The following DNAH9 variants were observed in gnomAD, a reference collection of about 807,000 sequenced individuals.
The protein encoded by DNAH9 is dynein axonemal heavy chain 9, also known as DNAH9 variant protein.
Under a neutral mutation model 471.6 loss-of-function variants are expected in DNAH9, and 345 were observed. The observed-to-expected ratio is 0.73, with a 90% CI of 0.67 to 0.80. DNAH9 has a LOEUF of 0.80. Ranked by LOEUF, DNAH9 falls within the 30% of genes least tolerant of loss-of-function variation. DNAH9 has a pLI of 0.00. For synonymous variants in DNAH9, 2,093 were observed against 2,123.6 expected (o/e 0.99, Z 0.40); for missense variants, 5,407 against 5,609.2 (o/e 0.96, Z 1.15).
intron 67 of DNAH9, among the ~76,000 whole-genome samples, chr17:11,945,519 CAG>C (rs1175841398): frequency 2.0e-4 from 28 of 142,482 alleles, no homozygotes; most frequent in Non-Finnish European, 4.1e-4. Flanking sequence ...GCCTGGGTGA[CAG>C]AGAGAGATTC....
In DNAH9 at chr17:11,913,378, C is replaced by G. The variant is rs1973848514; in HGVS notation, c.11749+7569C>G. On this transcript the variant is annotated intron_variant, in intron 61 of 68. Transcript: ENST00000262442. Reference sequence around the variant, plus strand: ...AATTTATTTCTTTCTAAGACTTTGTCCATTTCATCTAAGTTATATAACTTG... The same window carrying G: ...AATTTATTTCTTTCTAAGACTTTGTGCATTTCATCTAAGTTATATAACTTG... Among the ~76,000 whole-genome samples, 4 of 152,006 alleles carry G rather than the reference C, an allele frequency of 2.6e-5. No homozygotes were observed. The South Asian group carries it at 8.3e-4, about 32-fold the overall frequency.
chr17:11,948,224 CTTTT>C (rs1211322234), intron 67 of DNAH9, among the ~76,000 whole-genome samples: 3 of 86,748 alleles, frequency 3.5e-5, no homozygotes, highest in Non-Finnish European at 6.3e-5. Flanking sequence ...TAATCTGGCT[CTTTT>C]TTTTTTTTTT....
chr17:11,870,242 C>T (rs551212626), intron 51 of DNAH9, among the ~76,000 whole-genome samples: 2 of 152,330 alleles, frequency 1.3e-5, no homozygotes, highest in African/African-American at 2.4e-5. Context: ...CAGACAGCAA[C>T]TCTTAATGAC....
chr17:11,776,487 T>G (rs1440337965), intron 38 of DNAH9, among the ~76,000 whole-genome samples: 4 of 152,158 alleles, frequency 2.6e-5, no homozygotes, highest in Non-Finnish European at 5.9e-5. Context: ...AGCTGAAGAC[T>G]GCCTAAAGAG....
intron 38 of DNAH9, among the ~76,000 whole-genome samples, chr17:11,780,321 C>T (rs1968620595): frequency 2.0e-5 from 3 of 152,330 alleles, no homozygotes; most frequent in Admixed American, 2.0e-4. Context: ...TTCTACATCC[C>T]ACCAAGGAAA....
At chr17:11,799,619 C>T (rs536579068) in intron 43 of DNAH9, among the ~76,000 whole-genome samples, 1 of 152,304 alleles carries the variant, frequency 6.6e-6, no homozygotes, top group East Asian at 1.9e-4. Context: ...GGGAGTCTCA[C>T]TCTGTCACCC....
intron 14 of DNAH9, among the ~76,000 whole-genome samples, chr17:11,655,351 GGTGTGTGTGTGTGT>G (rs144975414): frequency 1.7e-4 from 25 of 147,810 alleles, no homozygotes; most frequent in South Asian, 1.5e-3. Context: ...AGCATTCCAT[GGTGTGTGTGTGTGT>G]GTGTGTGTGT....
chr17:11,876,920 G>A (rs754737704), intron 53 of DNAH9, among the ~76,000 whole-genome samples: 199 of 151,878 alleles, frequency 1.3e-3, no homozygotes, highest in Middle Eastern at 3.4e-3. Flanking sequence ...TAGAGACCGG[G>A]TTTCACTATG....
chr17:11,768,377 T>G, intron 36 of DNAH9, 76 bp from the exon 37 acceptor site: 1 of 1,459,740 alleles, frequency 6.9e-7, no homozygotes, highest in South Asian at 1.2e-5. Context: ...TGACCTTCTA[T>G]CTGACGCCGT....
intron 17 of DNAH9, among the ~76,000 whole-genome samples, chr17:11,679,513 G>T (rs1046097067): frequency 3.3e-5 from 5 of 152,084 alleles, no homozygotes; most frequent in Admixed American, 6.5e-5. Flanking sequence ...TAGATGTCGT[G>T]TCTCCTCCTG....
chr17:11,950,008 AATG>A (rs1244350564), intron 67 of DNAH9, among the ~76,000 whole-genome samples: 3 of 152,190 alleles, frequency 2.0e-5, no homozygotes, highest in Admixed American at 6.5e-5. Context: ...CTGCTTTCAA[AATG>A]ATGTTAGATT....
At chr17:11,832,599 G>A (rs1161549041) in intron 48 of DNAH9, among the ~76,000 whole-genome samples, 2 of 152,184 alleles carry the variant, frequency 1.3e-5, no homozygotes, top group African/African-American at 4.8e-5. Flanking sequence ...CCGTTTCAAT[G>A]AATACACAAA....
intron 65 of DNAH9, among the ~76,000 whole-genome samples, chr17:11,935,533 G>A (rs867995209): frequency 5.3e-5 from 8 of 151,606 alleles, no homozygotes; most frequent in South Asian, 2.1e-4. Flanking sequence ...GCGTCACCAC[G>A]CCCAGCTAAT....
At chr17:11,744,652 TCATTTTCTAAGTCATCCCTTCC>T in intron 30 of DNAH9, 123 bp from the exon 31 acceptor site, 1 of 688,062 alleles carries the variant, frequency 1.5e-6, no homozygotes, top group South Asian at 2.1e-5. Flanking sequence ...TCTGGGATCA[TCATTTTCTAAGTCATCCCTTCC>T]CACGTCTCTG....
chr17:11,797,515 G>C, intron 42 of DNAH9, 82 bp from the exon 43 acceptor site: 1 of 1,189,366 alleles, frequency 8.4e-7, no homozygotes, highest in East Asian at 2.4e-5. Flanking sequence ...GGAATGTGCA[G>C]AGCAAATCAG....
At chr17:11,942,189 G>C in intron 66 of DNAH9, 114 bp from the exon 67 acceptor site, 1 of 1,408,158 alleles carries the variant, frequency 7.1e-7, no homozygotes, top group Non-Finnish European at 9.8e-7. Flanking sequence ...GTCAGTGGGT[G>C]GAGGGGCAGC....
chr17:11,816,373 C>T (rs1443278655), intron 45 of DNAH9, among the ~76,000 whole-genome samples: 1 of 152,188 alleles, frequency 6.6e-6, no homozygotes, highest in African/African-American at 2.4e-5. Flanking sequence ...CTTAATACAT[C>T]TCCCAGCCCA....
chr17:11,671,646 A>G (rs1252455303), intron 17 of DNAH9, among the ~76,000 whole-genome samples: 1 of 152,182 alleles, frequency 6.6e-6, no homozygotes, highest in Non-Finnish European at 1.5e-5. Context: ...TGGTTTGCAT[A>G]TGGAAAGTGT....
chr17:11,709,527 C>T (rs941490164), intron 26 of DNAH9, among the ~76,000 whole-genome samples: 2 of 152,178 alleles, frequency 1.3e-5, no homozygotes, highest in Non-Finnish European at 2.9e-5. Flanking sequence ...TTGATCCATA[C>T]AACCTTTGCA....
Sources: allele counts gnomAD v4.1 joint callset (sites outside exome capture counted in the v4.1 genomes callset), GRCh38; gene constraint gnomAD v4.1.1; transcripts MANE v1.5; gene names NCBI Gene and HGNC (gene_info 2026-07-23, HGNC 2026-07-21).